Variants in NEK10 observed in about 807,000 individuals in gnomAD.
The protein encoded by NEK10 is NIMA related kinase 10, also known as serine/threonine-protein kinase Nek10.
Under a neutral mutation model 159.8 loss-of-function variants are expected in NEK10, and 122 were observed. The observed-to-expected ratio is 0.76, with a 90% CI of 0.66 to 0.89. The LOEUF (loss-of-function observed/expected upper bound fraction) is 0.89. Among genes scored for constraint, NEK10 ranks in the 40% least tolerant of loss-of-function variants. The pLI is 0.00. For synonymous variants in NEK10, 466 were observed against 457.1 expected (o/e 1.02, Z -0.25); for missense variants, 1,342 against 1,323.1 (o/e 1.01, Z -0.22).
intron 29 of NEK10, among the ~76,000 whole-genome samples, chr3:27,165,321 T>C (rs1305687968): frequency 6.6e-6 from 1 of 152,232 alleles, no homozygotes; most frequent in East Asian, 1.9e-4. Flanking sequence ...CTTTTAACTA[T>C]GCAATTGTTG....
chr3:27,307,921 A>C lies in NEK10; in HGVS notation c.741T>G (p.Ser247Arg), dbSNP rs1271377422. 1 of 1,532,700 alleles carries C rather than the reference A, an allele frequency of 6.5e-7. No individual in the cohort carries two copies. Among genetic ancestry groups the C allele is most frequent in the Non-Finnish European group, 9.0e-7 (1 of 1,107,134 alleles). 94.9% of individuals were successfully genotyped at this position (1,532,700 alleles called of 1,614,324 possible). The change falls in exon 11 of 36, where the codon AGT (serine) becomes AGG (arginine). Residue 247 changes from serine (S) to arginine (R), a missense_variant. Transcript: ENST00000691995. ...AESQECREKI[S>R]ELNIVENLLM... ...ACAGATTTTCTACAATGTTGAGTTC[A>C]CTTATCTTCTCCCTACATTCTTGAC... is the stretch of plus-strand genomic sequence containing the variant.
At chr3:27,181,388 T>C (rs1006935637) in intron 26 of NEK10, among the ~76,000 whole-genome samples, 2 of 152,136 alleles carry the variant, frequency 1.3e-5, no homozygotes, top group African/African-American at 2.4e-5. Flanking sequence ...TACTATTCAT[T>C]AAGTGGAAGT....
At chr3:27,216,768 C>T (rs980834904) in intron 23 of NEK10, among the ~76,000 whole-genome samples, 13 of 152,234 alleles carry the variant, frequency 8.5e-5, no homozygotes, top group African/African-American at 1.7e-4. Flanking sequence ...TAATGCCTCA[C>T]GGAGCAGAGA....
At chr3:27,180,493 G>A (rs1333560460) in intron 26 of NEK10, among the ~76,000 whole-genome samples, 2 of 151,888 alleles carry the variant, frequency 1.3e-5, no homozygotes, top group Non-Finnish European at 2.9e-5. Context: ...ACAATCAAGT[G>A]GGCAAGTTTT....
At chr3:27,198,627 G>GA (rs1949764515) in intron 25 of NEK10, among the ~76,000 whole-genome samples, 1 of 150,316 alleles carries the variant, frequency 6.7e-6, no homozygotes, top group Non-Finnish European at 1.5e-5. Flanking sequence ...AATCTGAACT[G>GA]AACCCCATAT....
intron 23 of NEK10, among the ~76,000 whole-genome samples, chr3:27,245,401 G>A (rs1048477615): frequency 6.6e-6 from 1 of 152,290 alleles, no homozygotes; most frequent in Admixed American, 6.5e-5. Context: ...CAGAAGGGAT[G>A]TTTAGTGACA....
At chr3:27,238,105 A>C (rs1954143759) in intron 23 of NEK10, among the ~76,000 whole-genome samples, 1 of 152,158 alleles carries the variant, frequency 6.6e-6, no homozygotes. Context: ...TTGTTTTCTT[A>C]TTTCTAATTT....
intron 6 of NEK10, among the ~76,000 whole-genome samples, chr3:27,318,627 A>G (rs767130759): frequency 5.3e-5 from 8 of 152,252 alleles, no homozygotes; most frequent in Non-Finnish European, 1.2e-4. Flanking sequence ...CACATGTAAG[A>G]GAGTGACAAG....
In NEK10 at chr3:27,106,892, A is replaced by G. The variant is rs1939036755; in HGVS notation, c.*4380T>C. 6.6e-6 allele frequency among the ~76,000 whole-genome samples: 1 copy of G among 152,212 alleles called. No individual in the cohort carries two copies. The stretch of plus-strand genomic sequence containing the variant: ...AGAAAGAAAGGTAAGCTATTTCCAA[A>G]TGACAGCATTTAAACAGTCACGTAC... On this transcript the variant is annotated 3_prime_UTR_variant, in exon 36 of 36. Transcript: ENST00000691995.
chr3:27,118,276 C>T (rs1336128101), intron 33 of NEK10, among the ~76,000 whole-genome samples: 2 of 152,104 alleles, frequency 1.3e-5, no homozygotes, highest in Non-Finnish European at 2.9e-5. Flanking sequence ...GTCCTTTTTG[C>T]TTGGGATTGT....
intron 5 of NEK10, among the ~76,000 whole-genome samples, chr3:27,323,604 G>A (rs979192744): frequency 6.6e-6 from 1 of 150,656 alleles, no homozygotes; most frequent in South Asian, 2.1e-4. Flanking sequence ...TCAGAGGGGG[G>A]AAAAAAAAAC....
intron 26 of NEK10, among the ~76,000 whole-genome samples, chr3:27,182,798 C>T (rs1208075477): frequency 6.6e-6 from 1 of 152,010 alleles, no homozygotes; most frequent in Non-Finnish European, 1.5e-5. Context: ...AACTGAAAGA[C>T]ATTATGTTAA....
intron 13 of NEK10, 145 bp from the exon 14 acceptor site, chr3:27,297,385 T>G (rs2043437382): frequency 1.7e-6 from 1 of 593,480 alleles, no homozygotes; most frequent in Admixed American, 2.6e-5. Flanking sequence ...ATTTTCCTTT[T>G]GGCACAGCTC....
chr3:27,258,776 T>C (rs1347997101), intron 22 of NEK10, among the ~76,000 whole-genome samples: 1 of 152,172 alleles, frequency 6.6e-6, no homozygotes, highest in Non-Finnish European at 1.5e-5. Flanking sequence ...TAGTTCTAGA[T>C]CCCTGAGGAA....
rs1559383385 is a variant in NEK10 at position 27,262,263 on chromosome 3, C to T, written c.2015-5892G>A. Among the ~76,000 whole-genome samples, 3 of 152,182 alleles carry T rather than the reference C, an allele frequency of 2.0e-5. No individual in the cohort carries two copies. In the South Asian group the frequency reaches 6.2e-4, roughly 32 times the overall value. On this transcript the variant is annotated intron_variant, in intron 22 of 35. Transcript: ENST00000691995. ...GACCTTTCTCTCTGGCTGCCCTTAA[C>T]ATTTTTTCCTTCATTTCAACTTCGG...
intron 26 of NEK10, among the ~76,000 whole-genome samples, chr3:27,187,607 A>G (rs918655130): frequency 6.6e-5 from 10 of 152,080 alleles, no homozygotes; most frequent in African/African-American, 2.4e-4. Flanking sequence ...AAACCAGGAC[A>G]GAGGAGTGTA....
chr3:27,331,942 A>G (rs1283944095), intron 5 of NEK10, among the ~76,000 whole-genome samples: 1 of 152,196 alleles, frequency 6.6e-6, no homozygotes, highest in Non-Finnish European at 1.5e-5. Context: ...TCAGAAAAGT[A>G]AATTAATTTT....
intron 33 of NEK10, 105 bp from the exon 34 acceptor site, chr3:27,116,232 C>G: frequency 1.0e-6 from 1 of 980,776 alleles, no homozygotes; most frequent in South Asian, 1.4e-5. Flanking sequence ...AGGTCAATTT[C>G]TTAATGATAA....
intron 31 of NEK10, among the ~76,000 whole-genome samples, chr3:27,139,779 CGGGCTCATT>C (rs919701328): frequency 2.6e-5 from 4 of 152,280 alleles, no homozygotes; most frequent in Non-Finnish European, 5.9e-5. Flanking sequence ...CTCAGAGAGA[CGGGCTCATT>C]GGGGTAGATT....
Sources: gnomAD v4.1 joint callset for allele counts (sites outside exome capture counted in the v4.1 genomes callset) on GRCh38, gnomAD v4.1.1 for gene constraint, MANE v1.5 for transcripts, NCBI Gene and HGNC (gene_info 2026-07-23, HGNC 2026-07-21) for gene names.